PEX13: variants seen among roughly 807,000 people sequenced by gnomAD.
The protein encoded by PEX13 is peroxisomal biogenesis factor 13, also known as peroxisome biogenesis factor 13.
Under a neutral mutation model 34.5 loss-of-function variants are expected in PEX13, and 28 were observed. The ratio of observed to expected loss-of-function variants is 0.81; its 90% CI spans 0.60 to 1.11. PEX13 has a LOEUF of 1.11. Ranked by LOEUF, PEX13 falls within the 50% of genes most tolerant of loss-of-function variation. The pLI is 0.00. For synonymous variants in PEX13, 177 were observed against 175.1 expected (o/e 1.01, Z -0.09); for missense variants, 550 against 491.0 (o/e 1.12, Z -1.13).
intron 2 of PEX13, among the ~76,000 whole-genome samples, chr2:61,042,253 G>A (rs1003853376): frequency 1.3e-5 from 2 of 152,116 alleles, no homozygotes; most frequent in Non-Finnish European, 2.9e-5. Context: ...CTGTAACAGT[G>A]GAATTGAATA....
At chr2:61,039,671 CAT>C (rs1680590347) in intron 2 of PEX13, among the ~76,000 whole-genome samples, 1 of 152,146 alleles carries the variant, frequency 6.6e-6, no homozygotes, top group Non-Finnish European at 1.5e-5. Context: ...ACCTTCAGGA[CAT>C]AGGCATGGGC....
chr2:61,028,434 G>T (rs1250120811), intron 1 of PEX13, among the ~76,000 whole-genome samples: 1 of 146,422 alleles, frequency 6.8e-6, no homozygotes, highest in African/African-American at 2.5e-5. Context: ...GTGTCACCCA[G>T]ACTGGAGGGC....
chr2:61,021,775 A>G (rs1680268917), intron 1 of PEX13, among the ~76,000 whole-genome samples: 1 of 152,192 alleles, frequency 6.6e-6, no homozygotes, highest in Non-Finnish European at 1.5e-5. Flanking sequence ...GTAGGGGCTG[A>G]CAGACACCTC....
Position 61,018,394 on chromosome 2 carries a change from T to G in PEX13, c.92+543T>G. On this transcript the variant is annotated intron_variant, in intron 1 of 3. Coordinates refer to ENST00000295030, the MANE Select transcript of PEX13 (RefSeq NM_002618.4). Reference sequence around the variant, plus strand: ...TCGGATCGAGATTGGAGAAGCAACTTTAAAGCAGGAGTTCTAGATCTGAGG... The same window carrying G: ...TCGGATCGAGATTGGAGAAGCAACTGTAAAGCAGGAGTTCTAGATCTGAGG... 7.9e-6 allele frequency: 11 copies of G among 1,391,406 alleles called. 1 individual carries two copies. The South Asian group carries it at 1.6e-4, about 20-fold the overall frequency. The allele number at this position is 1,391,406 out of a possible 1,614,324, so 86.2% of individuals were successfully genotyped here.
At chr2:61,027,873 G>T (rs970051618) in intron 1 of PEX13, among the ~76,000 whole-genome samples, 2 of 151,802 alleles carry the variant, frequency 1.3e-5, no homozygotes, top group Non-Finnish European at 2.9e-5. Flanking sequence ...TTTAAGTTTT[G>T]TTCCATTTTT....
At chr2:61,018,272 C>A (rs767750682) in intron 1 of PEX13, 2 of 1,550,876 alleles carry the variant, frequency 1.3e-6, no homozygotes, top group Non-Finnish European at 1.7e-6. Flanking sequence ...AGGTGTTAAC[C>A]TCTCGAGAAG....
intron 2 of PEX13, among the ~76,000 whole-genome samples, chr2:61,038,104 C>G (rs1680565351): frequency 6.6e-6 from 1 of 152,154 alleles, no homozygotes; most frequent in South Asian, 2.1e-4. Context: ...GAAATTGAAG[C>G]AGTAATTAAT....
At chr2:61,026,623 G>T (rs1044635558) in intron 1 of PEX13, among the ~76,000 whole-genome samples, 1 of 150,678 alleles carries the variant, frequency 6.6e-6, no homozygotes, top group Admixed American at 6.6e-5. Flanking sequence ...TGGGATTGCA[G>T]ACATGAGCCA....
rs1680760093 is a variant in PEX13, at chr2:61,049,406, T to G, written c.*636T>G. On this transcript the variant is annotated 3_prime_UTR_variant, in exon 4 of 4. Transcript: ENST00000295030. ...TATAGAGTATGTAGCCCTAATAGTT[T>G]TCCCTCCTAGCAAAAAGTCTGAAAT... 6.6e-6 allele frequency: 1 copy of G among 152,394 alleles called. No homozygotes were observed. Among genetic ancestry groups the G allele is most frequent in the East Asian group, 1.9e-4 (1 of 5,336 alleles). The allele number at this position is 152,394 out of a possible 1,614,324, so 9.4% of individuals were successfully genotyped here. A position where few individuals can be genotyped will look rare whatever the true frequency, so the allele number is the denominator to read the frequency against.
rs1345861154 is a variant in PEX13, at chr2:61,049,631, G to C, written c.*861G>C. ...TTTACGAAAAATACAAAATTAGCTA[G>C]GTGTGGTGGCACATGCCTGTAATCC... On this transcript the variant is annotated 3_prime_UTR_variant, in exon 4 of 4. Transcript: ENST00000295030. 6.6e-6 allele frequency: 1 copy of C among 152,264 alleles called. No homozygotes were observed. Among genetic ancestry groups the C allele is most frequent in the Non-Finnish European group, 1.5e-5 (1 of 68,140 alleles). The allele number at this position is 152,264 out of a possible 1,614,324, so 9.4% of individuals were successfully genotyped here. A position where few individuals can be genotyped will look rare whatever the true frequency, so the allele number is the denominator to read the frequency against.
chr2:61,031,591 T>C lies in PEX13; in HGVS notation c.265T>C (p.Phe89Leu). ...SSGYGAYGNSFYGGYSPYSYG... is the reference protein window; with the variant it reads ...SSGYGAYGNSLYGGYSPYSYG... ...TGGATATGGTGCCTATGGAAATTCA[T>C]TTTATGGAGGCTATAGTCCTTATAG... Residue 89 changes from phenylalanine to leucine, a missense_variant, in exon 2 of 4, where the codon TTT (phenylalanine) becomes CTT (leucine). By Grantham distance (22) the Phe-to-Leu change is conservative. Coordinates refer to ENST00000295030, the MANE Select transcript of PEX13 (RefSeq NM_002618.4). 1 of 1,614,186 alleles carries C rather than the reference T, an allele frequency of 6.2e-7. No homozygotes were observed. Among genetic ancestry groups the C allele is most frequent in the Non-Finnish European group, 8.5e-7 (1 of 1,180,016 alleles).
Position 61,037,526 on chromosome 2 carries a change from A to G in PEX13, c.787+5413A>G, listed in dbSNP as rs367618292. Among the ~76,000 whole-genome samples the G allele has an allele frequency of 5.3e-5, 8 of 152,336 alleles. No homozygotes were observed. In the South Asian group the frequency reaches 1.5e-3, roughly 28 times the overall value. On this transcript the variant is annotated intron_variant, in intron 2 of 3. Transcript: ENST00000295030. ...CCTGTTACTGAATGACTACTGGGTA[A>G]ATAACGAAATGAAGGCAGAAATATG... is the stretch of plus-strand genomic sequence containing the variant.
At chr2:61,024,368 A>G (rs1680314877) in intron 1 of PEX13, among the ~76,000 whole-genome samples, 1 of 152,168 alleles carries the variant, frequency 6.6e-6, no homozygotes, top group South Asian at 2.1e-4. Flanking sequence ...ACTTGCATAT[A>G]TACCCCATAT....
chr2:61,031,301 TAATC>T (rs1680444984), intron 1 of PEX13, 114 bp from the exon 2 acceptor site: 2 of 781,790 alleles, frequency 2.6e-6, no homozygotes. Flanking sequence ...CTAAATCAAT[TAATC>T]AGTCTTCAGT....
At position 61,031,856 on chromosome 2, in the gene PEX13, A is replaced by C; in HGVS notation, c.530A>C (p.Lys177Thr). 1 of 1,613,170 alleles carries C rather than the reference A, an allele frequency of 6.2e-7. No individual in the cohort carries two copies. The highest frequency in any genetic ancestry group is 8.5e-7 in the Non-Finnish European group (1 of 1,179,122). Residue 177 changes from lysine (K) to threonine (T), a missense_variant, in exon 2 of 4, where the codon AAA becomes ACA. Coordinates refer to ENST00000295030, the MANE Select transcript of PEX13 (RefSeq NM_002618.4). Reference protein sequence around the residue: ...HFSRLKIHFTKVFSAFALVRT... With the variant: ...HFSRLKIHFTTVFSAFALVRT... ...TCCCGATTGAAAATACACTTTACAA[A>C]AGTGTTTTCAGCTTTTGCATTGGTT...
chr2:61,022,322 G>C (rs1316142198), intron 1 of PEX13, among the ~76,000 whole-genome samples: 3 of 152,232 alleles, frequency 2.0e-5, no homozygotes, highest in Non-Finnish European at 4.4e-5. Flanking sequence ...AAACAGTGTA[G>C]AGAAGACCTT....
At position 61,051,370 on chromosome 2, in the gene PEX13, T is replaced by A. The variant is rs1680796384; in HGVS notation, c.*2600T>A. The A allele has an allele frequency of 6.6e-6, 1 of 152,326 alleles. No individual in the cohort carries two copies. The highest frequency in any genetic ancestry group is 1.5e-5 in the Non-Finnish European group (1 of 68,024). 9.4% of individuals were successfully genotyped at this position (152,326 alleles called of 1,614,324 possible). On this transcript the variant is annotated 3_prime_UTR_variant, in exon 4 of 4. Coordinates refer to ENST00000295030, the MANE Select transcript of PEX13 (RefSeq NM_002618.4). The stretch of plus-strand genomic sequence containing the variant: ...GAAGTAAAGTAGAAGTGACCACTAT[T>A]AAAGATGTATAGGGAGAAGAGTACA...
Position 61,031,442 on chromosome 2 carries a change from T to C in PEX13, c.116T>C (p.Leu39Ser), listed in dbSNP as rs1351769986. 3.1e-6 allele frequency: 5 copies of C among 1,614,048 alleles called. No individual in the cohort carries two copies. The African/African-American group carries it at 6.7e-5, about 22-fold the overall frequency. ...TFQSADLGPT[L>S]MTRPGQPALT... ...AGATCTGCTGATTTGGGTCCTACTT[T>C]AATGACAAGACCTGGACAACCAGCA... is the stretch of plus-strand genomic sequence containing the variant. The change falls in exon 2 of 4, where the codon TTA becomes TCA. Residue 39 changes from leucine (L) to serine (S), a missense_variant. Leu to Ser is a moderately radical substitution (Grantham distance 145, BLOSUM62 -2). Coordinates refer to ENST00000295030, the MANE Select transcript of PEX13 (RefSeq NM_002618.4).
intron 2 of PEX13, among the ~76,000 whole-genome samples, chr2:61,037,088 T>C (rs1171856836): frequency 1.3e-5 from 2 of 152,192 alleles, no homozygotes; most frequent in Non-Finnish European, 2.9e-5. Context: ...CCTAAATATA[T>C]ATGCATCCAA....
Sources: allele counts gnomAD v4.1 joint callset (sites outside exome capture counted in the v4.1 genomes callset), GRCh38; gene constraint gnomAD v4.1.1; transcripts MANE v1.5; gene names NCBI Gene and HGNC (gene_info 2026-07-23, HGNC 2026-07-21).